AUH: variants seen among roughly 807,000 people sequenced by gnomAD.
AUH encodes AU RNA binding methylglutaconyl-CoA hydratase, also known as methylglutaconyl-CoA hydratase, mitochondrial.
A neutral mutation model predicts 42.3 loss-of-function variants in AUH; 29 were observed. The ratio of observed to expected loss-of-function variants is 0.69; its 90% CI spans 0.51 to 0.93. AUH has a LOEUF of 0.93. AUH is among the 40% of genes least tolerant of loss of function. AUH has a pLI of 0.00. For synonymous variants in AUH, 174 were observed against 166.4 expected, an observed-to-expected ratio of 1.05 and a Z score of -0.35; for missense variants, 452 against 438.1, an observed-to-expected ratio of 1.03 and a Z score of -0.28.
chr9:91,224,843 C>T (rs902135236), intron 6 of AUH, among the ~76,000 whole-genome samples: 2 of 152,114 alleles, frequency 1.3e-5, no homozygotes, highest in African/African-American at 2.4e-5. Flanking sequence ...GTCCCCTCCA[C>T]CCCTCAGGCA....
intron 6 of AUH, among the ~76,000 whole-genome samples, chr9:91,228,899 T>C (rs1408314228): frequency 6.6e-6 from 1 of 152,232 alleles, no homozygotes; most frequent in African/African-American, 2.4e-5. Context: ...TCTAGTTTGA[T>C]TGCACTGTGG....
chr9:91,303,619 G>A (rs377595807), intron 4 of AUH, among the ~76,000 whole-genome samples: 2 of 152,246 alleles, frequency 1.3e-5, no homozygotes, highest in African/African-American at 2.4e-5. Context: ...AAGCCACTGC[G>A]CCCAGCCCCA....
intron 6 of AUH, among the ~76,000 whole-genome samples, chr9:91,235,317 G>A (rs1828115132): frequency 1.3e-5 from 2 of 152,098 alleles, no homozygotes; most frequent in South Asian, 4.2e-4. Context: ...AGATGTGGAG[G>A]ACTTGGAATA....
chr9:91,238,949 C>CTAA (rs1828343910), intron 6 of AUH, among the ~76,000 whole-genome samples: 1 of 152,210 alleles, frequency 6.6e-6, no homozygotes, highest in South Asian at 2.1e-4. Flanking sequence ...ACCAAAAGAC[C>CTAA]TAAATTCAAA....
At chr9:91,230,228 C>T (rs1235319826) in intron 6 of AUH, among the ~76,000 whole-genome samples, 2 of 152,020 alleles carry the variant, frequency 1.3e-5, no homozygotes, top group Admixed American at 1.3e-4. Context: ...TCACATAGTC[C>T]CATATTTCTT....
intron 6 of AUH, among the ~76,000 whole-genome samples, chr9:91,269,907 C>G (rs886765457): frequency 6.6e-6 from 1 of 152,174 alleles, no homozygotes; most frequent in Non-Finnish European, 1.5e-5. Context: ...CAAACCTTAT[C>G]TTCAAAACCT....
chr9:91,330,936 T>C (rs964971994), intron 3 of AUH, among the ~76,000 whole-genome samples: 9 of 152,220 alleles, frequency 5.9e-5, no homozygotes, highest in African/African-American at 1.9e-4. Context: ...GGGACGACTG[T>C]GGTGTGCTGG....
chr9:91,271,548 A>C (rs1825121666), intron 6 of AUH, among the ~76,000 whole-genome samples: 2 of 152,252 alleles, frequency 1.3e-5, no homozygotes, highest in African/African-American at 4.8e-5. Context: ...ATTTAGTAAA[A>C]AATGTAAGTG....
chr9:91,263,703 A>C (rs1238268442), intron 6 of AUH, among the ~76,000 whole-genome samples: 1 of 152,146 alleles, frequency 6.6e-6, no homozygotes, highest in Non-Finnish European at 1.5e-5. Flanking sequence ...TTTTCTGACT[A>C]TTCTTGTATT....
At chr9:91,255,586 A>G (rs759181222) in intron 6 of AUH, among the ~76,000 whole-genome samples, 2 of 151,780 alleles carry the variant, frequency 1.3e-5, no homozygotes, top group African/African-American at 2.4e-5. Flanking sequence ...TAACAGATGC[A>G]TAAGTCTGAA....
At chr9:91,217,029 G>A (rs1826860335) in intron 8 of AUH, among the ~76,000 whole-genome samples, 1 of 152,206 alleles carries the variant, frequency 6.6e-6, no homozygotes, top group African/African-American at 2.4e-5. Flanking sequence ...AGAATAATGA[G>A]CATGTCATAA....
At position 91,267,054 on chromosome 9, in the gene AUH, C is replaced by T. The variant is rs1043557458; in HGVS notation, c.655+28967G>A. Among the ~76,000 whole-genome samples, 3 of 152,080 alleles carry T rather than the reference C, an allele frequency of 2.0e-5. No homozygotes were observed. The South Asian group carries it at 6.2e-4, about 32-fold the overall frequency. ...AATCCAGGTCTCTTGATTATCAGTC[C>T]AGATGGCAGAAAGGGAAGTGTCAGC... On this transcript the variant is annotated intron_variant, in intron 6 of 9. Coordinates refer to ENST00000375731, the MANE Select transcript of AUH (RefSeq NM_001698.3).
chr9:91,322,666 G>A (rs1208979216), intron 4 of AUH, among the ~76,000 whole-genome samples: 4 of 152,044 alleles, frequency 2.6e-5, no homozygotes, highest in African/African-American at 9.7e-5. Context: ...GAAAAACATG[G>A]AAAGCTTTTC....
chr9:91,255,925 T>A (rs1420036061), intron 6 of AUH, among the ~76,000 whole-genome samples: 2 of 152,174 alleles, frequency 1.3e-5, no homozygotes, highest in Non-Finnish European at 2.9e-5. Context: ...GCTCTATAAG[T>A]TACGCAGCTC....
rs186461696 is a variant in AUH at position 91,263,941 on chromosome 9, T to C, written c.655+32080A>G. Among the ~76,000 whole-genome samples the C allele has an allele frequency of 1.7e-4, 26 of 152,308 alleles. No individual in the cohort carries two copies. The East Asian group carries it at 4.4e-3, about 26-fold the overall frequency. The stretch of plus-strand genomic sequence containing the variant: ...ATTCTCTGTTTCACCAAGTCCACCA[T>C]GTATATCAATTTCTCACTGATACTG... On this transcript the variant is annotated intron_variant, in intron 6 of 9. Transcript: ENST00000375731.
rs569085577 is a variant in AUH at position 91,294,896 on chromosome 9, G to A, written c.655+1125C>T. The A allele has an allele frequency of 1.5e-4, 59 of 401,392 alleles. 1 individual carries two copies. The highest frequency in any genetic ancestry group is 1.1e-3 in the South Asian group (59 of 53,734). The allele number at this position is 401,392 out of a possible 1,614,324, so 24.9% of individuals were successfully genotyped here. A position where few individuals can be genotyped will look rare whatever the true frequency, so the allele number is the denominator to read the frequency against. On this transcript the variant is annotated intron_variant, in intron 6 of 9. Transcript: ENST00000375731. ...GTCTCATTATAAAACTGGAATGGAT[G>A]GGGAGTTGCTTCTTGTGGATTGATC...
intron 7 of AUH, among the ~76,000 whole-genome samples, chr9:91,218,222 C>G (rs1341419308): frequency 6.6e-6 from 1 of 152,124 alleles, no homozygotes; most frequent in African/African-American, 2.4e-5. Context: ...TTAAATTTGA[C>G]CTATCTAAAT....
intron 6 of AUH, among the ~76,000 whole-genome samples, chr9:91,236,659 G>C (rs1323349960): frequency 6.6e-6 from 1 of 152,120 alleles, no homozygotes; most frequent in Non-Finnish European, 1.5e-5. Context: ...TGCATAACTG[G>C]AGGTTGTGGG....
At position 91,220,845 on chromosome 9, in the gene AUH, T is replaced by C. The variant is rs1179971386; in HGVS notation, c.803A>G (p.Tyr268Cys). ...LEQNQEGDAA[Y>C]RKALDLAREF... ...TCTCGCCAGGTCCAAGGCCTTCCTG[T>C]AGGCCGCGTCTCCCTCCTGGTTCTG... Residue 268 changes from tyrosine to cysteine, a missense_variant, in exon 7 of 10, where the codon TAC becomes TGC. Coordinates refer to ENST00000375731, the MANE Select transcript of AUH (RefSeq NM_001698.3). The C allele has an allele frequency of 6.2e-7, 1 of 1,614,256 alleles. No individual in the cohort carries two copies. Among genetic ancestry groups the C allele is most frequent in the East Asian group, 2.2e-5 (1 of 44,884 alleles).
Sources: allele counts gnomAD v4.1 joint callset (sites outside exome capture counted in the v4.1 genomes callset), GRCh38; gene constraint gnomAD v4.1.1; transcripts MANE v1.5; gene names NCBI Gene and HGNC (gene_info 2026-07-23, HGNC 2026-07-21).